The following TTC39B variants were observed in gnomAD, a reference collection of about 807,000 sequenced individuals.
TTC39B encodes the protein tetratricopeptide repeat domain 39B.
A neutral mutation model predicts 96.6 loss-of-function variants in TTC39B; 92 were observed. That is an observed-to-expected ratio of 0.95 (90% CI 0.80 to 1.13). The LOEUF (loss-of-function observed/expected upper bound fraction) is 1.13, where lower values mean the gene tolerates loss of function less well. TTC39B is among the 50% of genes most tolerant of loss of function. TTC39B has a pLI of 0.00. For missense variants in TTC39B, 955 were observed against 809.3 expected (o/e 1.18, Z -2.18); for synonymous variants, 367 against 299.4 (o/e 1.23, Z -2.33).
intron 1 of TTC39B, among the ~76,000 whole-genome samples, chr9:15,304,920 C>T (rs1824709414): frequency 6.6e-6 from 1 of 152,026 alleles, no homozygotes; most frequent in African/African-American, 2.4e-5. Flanking sequence ...ACCAGGTTAC[C>T]TAAAAACCTA....
In TTC39B at chr9:15,175,291, T is replaced by C. The variant is rs554638256; in HGVS notation, c.1842-156A>G. Among the ~76,000 whole-genome samples, 5 of 152,348 alleles carry C rather than the reference T, an allele frequency of 3.3e-5. No individual in the cohort carries two copies. The South Asian group carries it at 8.3e-4, about 25-fold the overall frequency. ...TGTATAGTTATGGAACTCATTAAAC[T>C]ATGGCAATAAATAATGTTCTTTTCC... On this transcript the variant is annotated intron_variant, in intron 18 of 19. Transcript: ENST00000512701.
intron 14 of TTC39B, among the ~76,000 whole-genome samples, chr9:15,187,463 C>G (rs1818594310): frequency 6.6e-6 from 1 of 152,100 alleles, no homozygotes; most frequent in Non-Finnish European, 1.5e-5. Flanking sequence ...TTTAAAATAA[C>G]TCTTTGTTGT....
At chr9:15,252,762 T>C (rs1822610093) in intron 2 of TTC39B, among the ~76,000 whole-genome samples, 1 of 152,228 alleles carries the variant, frequency 6.6e-6, no homozygotes, top group Non-Finnish European at 1.5e-5. Context: ...ACGATACTAA[T>C]GTAAGATACT....
intron 19 of TTC39B, 58 bp downstream of exon 19, chr9:15,174,961 G>A: frequency 9.7e-7 from 1 of 1,032,096 alleles, no homozygotes; most frequent in Non-Finnish European, 1.5e-6. Context: ...TGTTGTTAGA[G>A]CAGTACTGAC....
rs183485760 is a variant in TTC39B, at chr9:15,258,457, G to A, written c.275+9457C>T. On this transcript the variant is annotated intron_variant, in intron 2 of 19. Transcript: ENST00000512701. Reference sequence around the variant, plus strand: ...TTCAGTTTGGGACATAAAAATTAATGTGTTTGTGAAACATCCTAGTGAGTG... The same window carrying A: ...TTCAGTTTGGGACATAAAAATTAATATGTTTGTGAAACATCCTAGTGAGTG... Among the ~76,000 whole-genome samples, 214 of 152,292 alleles carry A rather than the reference G, an allele frequency of 1.4e-3. 1 individual carries two copies. Among genetic ancestry groups the A allele is most frequent in the Non-Finnish European group, 1.6e-3 (110 of 68,004 alleles).
chr9:15,213,790 C>A (rs1820343106), intron 4 of TTC39B, among the ~76,000 whole-genome samples: 1 of 152,004 alleles, frequency 6.6e-6, no homozygotes, highest in Non-Finnish European at 1.5e-5. Flanking sequence ...TGGTTTTTCC[C>A]CTCCCCATTT....
At chr9:15,231,287 A>G (rs749414306) in intron 2 of TTC39B, among the ~76,000 whole-genome samples, 2 of 152,088 alleles carry the variant, frequency 1.3e-5, no homozygotes, top group Non-Finnish European at 2.9e-5. Flanking sequence ...TGCTTGGATT[A>G]CCAGCATGAG....
chr9:15,301,494 C>T (rs777254805), intron 1 of TTC39B, among the ~76,000 whole-genome samples: 1 of 152,188 alleles, frequency 6.6e-6, no homozygotes, highest in Non-Finnish European at 1.5e-5. Context: ...GTGGCTCACG[C>T]CTATAATCCC....
At chr9:15,214,164 C>A in exon 4 of TTC39B, 1 of 1,613,834 alleles carries the variant, frequency 6.2e-7, no homozygotes, top group South Asian at 1.1e-5. Context: ...TCTAAGGCGT[C>A]TGTAAATTTG....
In TTC39B at chr9:15,206,893, ATCCCCTTGTATC is replaced by A. The variant is rs569962261; in HGVS notation, c.692-3015_692-3004del. Among the ~76,000 whole-genome samples the A allele has an allele frequency of 1.1e-3, 161 of 152,108 alleles. 1 individual carries two copies. The highest frequency in any genetic ancestry group is 3.5e-3 in the African/African-American group (147 of 41,500). On this transcript the variant is annotated intron_variant, in intron 6 of 19. Coordinates refer to ENST00000512701, the Ensembl canonical transcript of TTC39B. ...CTCATCTTGAATTGTAATCCCCATA[ATCCCCTTGTATC>A]AAGGGTGGGAACTGGTGGGAGATGT...
intron 19 of TTC39B, among the ~76,000 whole-genome samples, chr9:15,173,840 A>G (rs951972745): frequency 1.3e-5 from 2 of 152,166 alleles, no homozygotes; most frequent in Non-Finnish European, 2.9e-5. Context: ...CCTAATAGCC[A>G]TCTTAAAGAA....
At chr9:15,270,068 G>A (rs1388528746) in intron 1 of TTC39B, among the ~76,000 whole-genome samples, 1 of 151,976 alleles carries the variant, frequency 6.6e-6, no homozygotes, top group Non-Finnish European at 1.5e-5. Flanking sequence ...ACTTGAGGAG[G>A]CTGAGGCACA....
At chr9:15,243,178 C>A (rs537747882) in intron 2 of TTC39B, among the ~76,000 whole-genome samples, 1 of 152,186 alleles carries the variant, frequency 6.6e-6, no homozygotes, top group Non-Finnish European at 1.5e-5. Context: ...GAGGGAAAAC[C>A]TTTTAAGAAG....
At chr9:15,225,934 T>C (rs759741082) in exon 3 of TTC39B, 88 of 1,613,808 alleles carry the variant, frequency 5.5e-5, no homozygotes, top group Non-Finnish European at 6.9e-5. Flanking sequence ...CAGTAGACGC[T>C]CCGCGCTGTC....
chr9:15,268,019 A>G, intron 1 of TTC39B, 71 bp from the exon 2 acceptor site: 1 of 1,439,244 alleles, frequency 6.9e-7, no homozygotes, highest in Non-Finnish European at 9.7e-7. Context: ...TCTAAAAGAG[A>G]AAATGAATAC....
intron 6 of TTC39B, among the ~76,000 whole-genome samples, chr9:15,207,369 G>C (rs912569572): frequency 6.6e-6 from 1 of 152,106 alleles, no homozygotes; most frequent in African/African-American, 2.4e-5. Flanking sequence ...ATTGTTCAAA[G>C]ACATTATAAA....
chr9:15,275,557 A>C (rs1823511241), intron 1 of TTC39B, among the ~76,000 whole-genome samples: 1 of 152,220 alleles, frequency 6.6e-6, no homozygotes, highest in Admixed American at 6.5e-5. Flanking sequence ...AAACTGCAGC[A>C]AAAGAGTCCT....
At chr9:15,183,976 T>G (rs140028282) in intron 16 of TTC39B, among the ~76,000 whole-genome samples, 141 of 152,312 alleles carry the variant, frequency 9.3e-4, no homozygotes, top group African/African-American at 3.2e-3. Flanking sequence ...CTAACTCCTG[T>G]CTGACCCCTG....
chr9:15,300,786 T>G (rs1824554894), intron 1 of TTC39B, among the ~76,000 whole-genome samples: 1 of 147,940 alleles, frequency 6.8e-6, no homozygotes, highest in Non-Finnish European at 1.5e-5. Flanking sequence ...CTCGGAACGC[T>G]GAGGCAGGAG....
Sources: allele counts gnomAD v4.1 joint callset (sites outside exome capture counted in the v4.1 genomes callset), GRCh38; gene constraint gnomAD v4.1.1; transcripts MANE v1.5; gene names NCBI Gene and HGNC (gene_info 2026-07-23, HGNC 2026-07-21).